The following ADAM2 variants were observed in gnomAD, a reference collection of about 807,000 sequenced individuals.
ADAM2 encodes the protein disintegrin and metalloproteinase domain-containing protein 2.
A neutral mutation model predicts 99.3 loss-of-function variants in ADAM2; 101 were observed. The ratio of observed to expected loss-of-function variants is 1.02; its 90% CI spans 0.87 to 1.20. ADAM2 has a LOEUF of 1.20. ADAM2 is among the 50% of genes most tolerant of loss of function. ADAM2 has a pLI of 0.00. For synonymous variants in ADAM2, 323 were observed against 287.6 expected, an observed-to-expected ratio of 1.12 and a Z score of -1.25; for missense variants, 948 against 878.7, an observed-to-expected ratio of 1.08 and a Z score of -1.00.
At chr8:39,759,669 GAAC>G (rs1223625088) in intron 15 of ADAM2, among the ~76,000 whole-genome samples, 2 of 152,130 alleles carry the variant, frequency 1.3e-5, no homozygotes, top group African/African-American at 4.8e-5. Context: ...AGAAGAGTTG[GAAC>G]AACAGAAGGG....
At chr8:39,800,675 G>T (rs970517786) in intron 7 of ADAM2, among the ~76,000 whole-genome samples, 1 of 151,972 alleles carries the variant, frequency 6.6e-6, no homozygotes, top group Non-Finnish European at 1.5e-5. Context: ...TCAATCTTAG[G>T]TTTAGTCTTT....
At chr8:39,746,158 T>C (rs918230355) in intron 19 of ADAM2, among the ~76,000 whole-genome samples, 2 of 152,172 alleles carry the variant, frequency 1.3e-5, no homozygotes, top group Non-Finnish European at 2.9e-5. Context: ...CCTGAGTAGC[T>C]GGGACTATAG....
intron 7 of ADAM2, among the ~76,000 whole-genome samples, chr8:39,792,096 T>C (rs1038448975): frequency 1.3e-5 from 2 of 151,800 alleles, no homozygotes; most frequent in Non-Finnish European, 2.9e-5. Flanking sequence ...CTTTTTTTTT[T>C]CTCAGCTCCA....
At chr8:39,812,727 G>A (rs1358379860) in intron 6 of ADAM2, among the ~76,000 whole-genome samples, 2 of 152,136 alleles carry the variant, frequency 1.3e-5, no homozygotes, top group African/African-American at 2.4e-5. Flanking sequence ...TATGTAGAAA[G>A]CTGAAACTGG....
intron 12 of ADAM2, among the ~76,000 whole-genome samples, chr8:39,767,548 G>A (rs1211998370): frequency 6.6e-6 from 1 of 152,172 alleles, no homozygotes; most frequent in East Asian, 1.9e-4. Flanking sequence ...TCTGGCTCTT[G>A]TAGACAGAGA....
rs766240507 is a variant in ADAM2, at chr8:39,769,477, C to T, written c.1127G>A (p.Arg376His). Residue 376 changes from arginine to histidine, a missense_variant, in exon 12 of 21, where the codon CGC becomes CAC. By Grantham distance (29) the Arg-to-His change is conservative (BLOSUM62 0). Coordinates refer to ENST00000265708, the MANE Select transcript of ADAM2 (RefSeq NM_001464.5). ...QKSQCLHNQP[R>H]LDPFFKQQAV... Reference sequence around the variant, plus strand: ...TTGCTGTTTGAAAAAAGGATCTAAGCGAGGCTGATTGTGAAGACACTGGGA... The same window carrying T: ...TTGCTGTTTGAAAAAAGGATCTAAGTGAGGCTGATTGTGAAGACACTGGGA... The T allele has an allele frequency of 1.9e-5, 31 of 1,613,652 alleles. No individual in the cohort carries two copies. Among genetic ancestry groups the T allele is most frequent in the Middle Eastern group, 1.6e-4 (1 of 6,082 alleles).
At chr8:39,789,375 A>G (rs527982147) in intron 7 of ADAM2, among the ~76,000 whole-genome samples, 1 of 151,940 alleles carries the variant, frequency 6.6e-6, no homozygotes, top group African/African-American at 2.4e-5. Flanking sequence ...ATTATAAGGC[A>G]ATAGATATCT....
intron 15 of ADAM2, among the ~76,000 whole-genome samples, chr8:39,760,882 CAAAAAAAAAAAAA>C (rs58386097): frequency 1.8e-4 from 11 of 60,184 alleles, no homozygotes; most frequent in African/African-American, 7.4e-4. Flanking sequence ...GACTCCATCT[CAAAAAAAAAAAAA>C]AAAAAAAAAA....
chr8:39,791,284 T>C (rs1586106888), intron 7 of ADAM2, among the ~76,000 whole-genome samples: 1 of 152,160 alleles, frequency 6.6e-6, no homozygotes, highest in Middle Eastern at 3.4e-3. Flanking sequence ...TCCTCTCTGC[T>C]TTAACCCATA....
chr8:39,775,550 T>C (rs1360649415), intron 11 of ADAM2, among the ~76,000 whole-genome samples: 2 of 152,162 alleles, frequency 1.3e-5, no homozygotes, highest in Non-Finnish European at 2.9e-5. Flanking sequence ...CCCCACAGTC[T>C]TTAGGTCTAA....
At chr8:39,780,760 A>C (rs1011760760) in intron 10 of ADAM2, among the ~76,000 whole-genome samples, 5 of 152,140 alleles carry the variant, frequency 3.3e-5, no homozygotes, top group Admixed American at 3.3e-4. Flanking sequence ...ATTTTTATTT[A>C]AATAATATTT....
chr8:39,766,085 G>A (rs1729458294), intron 14 of ADAM2, among the ~76,000 whole-genome samples: 1 of 152,162 alleles, frequency 6.6e-6, no homozygotes, highest in Non-Finnish European at 1.5e-5. Flanking sequence ...TAACTTCAGA[G>A]TCCCTGGATT....
rs1823473483 is a variant in ADAM2, at chr8:39,746,569, T to C, written c.2077A>G (p.Ile693Val). The C allele has an allele frequency of 2.5e-6, 4 of 1,607,628 alleles. No homozygotes were observed. The highest frequency in any genetic ancestry group is 3.4e-6 in the Non-Finnish European group (4 of 1,176,920). The part of the protein sequence containing the change: ...KPMRWPFFLF[I>V]PFFIIFCVLI... ...ACACAGAAAATAATAAAGAAAGGAA[T>C]GAATAAGAAAAATGGCCATCTCATT... The change falls in exon 19 of 21, where the codon ATT (isoleucine) becomes GTT (valine). Residue 693 changes from isoleucine (I) to valine (V), a missense_variant. Ile to Val is a conservative substitution (Grantham distance 29). Coordinates refer to ENST00000265708, the MANE Select transcript of ADAM2 (RefSeq NM_001464.5).
At chr8:39,829,001 C>A (rs981320469) in intron 3 of ADAM2, among the ~76,000 whole-genome samples, 3 of 151,718 alleles carry the variant, frequency 2.0e-5, no homozygotes, top group African/African-American at 7.3e-5. Context: ...TAATATATAA[C>A]CATCATCACA....
intron 15 of ADAM2, among the ~76,000 whole-genome samples, chr8:39,756,651 T>G (rs2129583402): frequency 6.6e-6 from 1 of 152,306 alleles, no homozygotes; most frequent in African/African-American, 2.4e-5. Flanking sequence ...TCTAAATGTC[T>G]TCAAGCAATT....
chr8:39,747,729 C>T (rs1039198653), intron 18 of ADAM2, among the ~76,000 whole-genome samples: 1 of 152,126 alleles, frequency 6.6e-6, no homozygotes, highest in African/African-American at 2.4e-5. Context: ...CATTTTCTTC[C>T]AGTAGTTTCA....
intron 7 of ADAM2, among the ~76,000 whole-genome samples, chr8:39,793,631 G>C (rs186315141): frequency 2.6e-5 from 4 of 152,220 alleles, no homozygotes; most frequent in Admixed American, 1.3e-4. Flanking sequence ...TTTTGCATAA[G>C]AGTAGGTAAA....
At chr8:39,824,421 T>TA (rs1424072349) in intron 4 of ADAM2, among the ~76,000 whole-genome samples, 1 of 152,172 alleles carries the variant, frequency 6.6e-6, no homozygotes, top group Admixed American at 6.5e-5. Flanking sequence ...AATATACTCC[T>TA]AAACGTGTGT....
At chr8:39,781,284 T>A (rs1803221614) in intron 10 of ADAM2, among the ~76,000 whole-genome samples, 2 of 152,170 alleles carry the variant, frequency 1.3e-5, no homozygotes, top group African/African-American at 4.8e-5. Context: ...TACTTGTGTG[T>A]GTGTGCGCAT....
Sources: allele counts gnomAD v4.1 joint callset (sites outside exome capture counted in the v4.1 genomes callset), GRCh38; gene constraint gnomAD v4.1.1; transcripts MANE v1.5; gene names NCBI Gene and HGNC (gene_info 2026-07-23, HGNC 2026-07-21).